The following PCBP3 variants were observed in gnomAD, a reference collection of about 807,000 sequenced individuals.
PCBP3 encodes poly(rC)-binding protein 3.
A neutral mutation model predicts 52.7 loss-of-function variants in PCBP3; 25 were observed. That is an observed-to-expected ratio of 0.47 (90% CI 0.35 to 0.66). The LOEUF (loss-of-function observed/expected upper bound fraction) is 0.66, where lower values mean the gene tolerates loss of function less well. Among genes scored for constraint, PCBP3 ranks in the 30% least tolerant of loss-of-function variants. The probability of loss-of-function intolerance (pLI) is 0.01; values close to 1 mark genes in which losing one functional copy is unlikely to be tolerated. For synonymous variants in PCBP3, 162 were observed against 183.0 expected (o/e 0.89, Z 0.93); for missense variants, 391 against 490.3 (o/e 0.80, Z 1.91).
intron 4 of PCBP3, among the ~76,000 whole-genome samples, chr21:45,772,438 A>C (rs917781765): frequency 1.3e-5 from 2 of 152,106 alleles, no homozygotes; most frequent in Admixed American, 1.3e-4. Flanking sequence ...GTGTATATAT[A>C]CTACATCTTC....
Position 45,814,667 on chromosome 21 carries a change from A to G in PCBP3, c.-125-35294A>G, listed in dbSNP as rs142860017. On this transcript the variant is annotated intron_variant, in intron 4 of 17. Transcript: ENST00000681687. ...GTGAGTGGTGAGTGAGTGGTGAGTG[A>G]TGAGTGGTGAGTGGTGAGTGAGTGG... 4.4e-3 allele frequency among the ~76,000 whole-genome samples: 244 copies of G among 55,296 alleles called. 7 individuals carry two copies. Among genetic ancestry groups the G allele is most frequent in the African/African-American group, 0.014 (180 of 13,056 alleles). The allele number at this position is 55,296 out of a possible 152,430, so 36.3% of individuals were successfully genotyped here. A position where few individuals can be genotyped will look rare whatever the true frequency, so the allele number is the denominator to read the frequency against.
intron 4 of PCBP3, among the ~76,000 whole-genome samples, chr21:45,823,038 G>A (rs966889442): frequency 1.3e-5 from 2 of 152,132 alleles, no homozygotes; most frequent in African/African-American, 2.4e-5. Context: ...ATAGGACATC[G>A]GTCTGTGCAA....
chr21:45,672,885 A>G (rs753398244), intron 2 of PCBP3, among the ~76,000 whole-genome samples: 2 of 152,168 alleles, frequency 1.3e-5, no homozygotes, highest in Non-Finnish European at 2.9e-5. Context: ...GAAGCCAGCT[A>G]GTTTTTGCCT....
chr21:45,891,817 C>T (rs1407834656), intron 5 of PCBP3, among the ~76,000 whole-genome samples: 1 of 152,220 alleles, frequency 6.6e-6, no homozygotes, highest in Non-Finnish European at 1.5e-5. Flanking sequence ...CTGAGCGCCT[C>T]CTCCCCTGGC....
chr21:45,703,188 A>G (rs1387539049), intron 2 of PCBP3, among the ~76,000 whole-genome samples: 1 of 152,224 alleles, frequency 6.6e-6, no homozygotes, highest in Non-Finnish European at 1.5e-5. Context: ...ACTTCTTCCA[A>G]ACTCTGTTGA....
chr21:45,848,050 C>T (rs1280396198), intron 4 of PCBP3: 10 of 152,168 alleles, frequency 6.6e-5, no homozygotes, highest in Admixed American at 6.6e-4. Context: ...TGCAGTGTTC[C>T]TTATGCAGTC....
At chr21:45,889,158 G>A (rs1469008298) in intron 5 of PCBP3, among the ~76,000 whole-genome samples, 2 of 152,224 alleles carry the variant, frequency 1.3e-5, no homozygotes, top group African/African-American at 2.4e-5. Context: ...GACAAAGAGC[G>A]ATGTGTGTGG....
At chr21:45,902,401 C>G (rs2096082039) in intron 9 of PCBP3, among the ~76,000 whole-genome samples, 1 of 152,214 alleles carries the variant, frequency 6.6e-6, no homozygotes, top group Non-Finnish European at 1.5e-5. Context: ...TTAAGCCACT[C>G]TCTCATTTGC....
chr21:45,797,288 G>C (rs373913132), intron 4 of PCBP3, among the ~76,000 whole-genome samples: 1 of 22,086 alleles, frequency 4.5e-5, no homozygotes, highest in Non-Finnish European at 1.0e-4. Flanking sequence ...TGGATCCACA[G>C]AGAGTGAATG....
intron 4 of PCBP3, among the ~76,000 whole-genome samples, chr21:45,836,759 C>T (rs931930528): frequency 1.3e-5 from 2 of 151,988 alleles, no homozygotes; most frequent in African/African-American, 4.8e-5. Context: ...TATTTTATTA[C>T]ACATGATTGC....
chr21:45,868,739 A>G (rs1237836316), intron 5 of PCBP3, among the ~76,000 whole-genome samples: 1 of 152,178 alleles, frequency 6.6e-6, no homozygotes, highest in Non-Finnish European at 1.5e-5. Context: ...AGCCCACAGC[A>G]CTGGGAAGAA....
At chr21:45,939,331 G>T (rs1037402751) in intron 16 of PCBP3, among the ~76,000 whole-genome samples, 1 of 152,150 alleles carries the variant, frequency 6.6e-6, no homozygotes, top group Non-Finnish European at 1.5e-5. Context: ...AGTTGTCCCC[G>T]ACGCCCCTCA....
chr21:45,902,379 T>C (rs2096081296), intron 9 of PCBP3, among the ~76,000 whole-genome samples: 1 of 150,704 alleles, frequency 6.6e-6, no homozygotes, highest in African/African-American at 2.5e-5. Context: ...AGGTTGTCTC[T>C]TAGTTTCCCC....
chr21:45,857,171 C>T (rs1436498731), intron 5 of PCBP3, among the ~76,000 whole-genome samples: 2 of 152,158 alleles, frequency 1.3e-5, no homozygotes, highest in Non-Finnish European at 2.9e-5. Context: ...TTTACAGATG[C>T]AAATGTTCCC....
chr21:45,911,970 C>G (rs572143793), intron 11 of PCBP3, among the ~76,000 whole-genome samples: 2 of 152,364 alleles, frequency 1.3e-5, no homozygotes, highest in African/African-American at 4.8e-5. Context: ...CAGTCTCAGG[C>G]CCTGGAGGCC....
At chr21:45,760,640 A>AAAAATGTAT (rs2088548432) in intron 4 of PCBP3, 1 of 152,214 alleles carries the variant, frequency 6.6e-6, no homozygotes, top group African/African-American at 2.4e-5. Flanking sequence ...GTAAAAAGAA[A>AAAAATGTAT]AAAATGTATA....
At chr21:45,814,352 T>C (rs952427472) in intron 4 of PCBP3, among the ~76,000 whole-genome samples, 13 of 125,692 alleles carry the variant, frequency 1.0e-4, no homozygotes, top group Non-Finnish European at 2.2e-4. Flanking sequence ...GGTGAGTGAG[T>C]GGTGAATAGT....
At chr21:45,844,325 C>T (rs1201425692) in intron 4 of PCBP3, among the ~76,000 whole-genome samples, 1 of 152,048 alleles carries the variant, frequency 6.6e-6, no homozygotes, top group African/African-American at 2.4e-5. Context: ...GGTGCCCCAG[C>T]ACCTAAGGAC....
intron 4 of PCBP3, among the ~76,000 whole-genome samples, chr21:45,784,924 C>T (rs1247908321): frequency 6.6e-6 from 1 of 151,968 alleles, no homozygotes; most frequent in Non-Finnish European, 1.5e-5. Context: ...GGCCGCCCAT[C>T]GTCTGGGATG....
Sources: gnomAD v4.1 joint callset for allele counts (sites outside exome capture counted in the v4.1 genomes callset) on GRCh38, gnomAD v4.1.1 for gene constraint, MANE v1.5 for transcripts, NCBI Gene and HGNC (gene_info 2026-07-23, HGNC 2026-07-21) for gene names.